RTF2: variants seen among roughly 807,000 people sequenced by gnomAD.
RTF2 encodes the protein UPF0549 protein C20orf43.
In RTF2, 18 loss-of-function variants were observed where a neutral mutation model predicts 38.0. The observed-to-expected ratio is 0.47, with a 90% confidence interval of 0.33 to 0.70. The LOEUF (loss-of-function observed/expected upper bound fraction) is 0.70, where lower values mean the gene tolerates loss of function less well. Among genes scored for constraint, RTF2 ranks in the 30% least tolerant of loss-of-function variants. The probability of loss-of-function intolerance (pLI) is 0.02; values close to 1 mark genes in which losing one functional copy is unlikely to be tolerated. For synonymous variants in RTF2, 126 were observed against 137.1 expected, an observed-to-expected ratio of 0.92 and a Z score of 0.57; for missense variants, 311 against 379.6, an observed-to-expected ratio of 0.82 and a Z score of 1.50.
chr20:56,514,256 T>G (rs1231387141), intron 6 of RTF2: 1 of 152,024 alleles, frequency 6.6e-6, no homozygotes, highest in African/African-American at 2.4e-5. Context: ...TTCCATGCGC[T>G]GGTGATTCCC....
At chr20:56,513,517 G>T in intron 6 of RTF2, 89 bp downstream of exon 6, 1 of 1,506,464 alleles carries the variant, frequency 6.6e-7, no homozygotes. Flanking sequence ...GCTGCTTAGG[G>T]GTTTGCATGA....
At chr20:56,489,107 G>A (rs952020376) in intron 5 of RTF2, among the ~76,000 whole-genome samples, 1 of 152,072 alleles carries the variant, frequency 6.6e-6, no homozygotes, top group African/African-American at 2.4e-5. Flanking sequence ...CCAGGCTGGG[G>A]TGCAGTGGTG....
chr20:56,507,933 C>T lies in RTF2; in HGVS notation c.478-5382C>T, dbSNP rs73289063. Among the ~76,000 whole-genome samples the T allele has an allele frequency of 2.0e-3, 306 of 152,320 alleles. 2 individuals carry two copies. The highest frequency in any genetic ancestry group is 7.0e-3 in the African/African-American group (289 of 41,574). On this transcript the variant is annotated intron_variant, in intron 5 of 8. Transcript: ENST00000357348. ...CGTGAGACTTCCCAGGGAACCTCCT[C>T]TAGCAGAGCAGGCTGTCCCTCCTCC...
chr20:56,488,021 A>T (rs957775687), intron 5 of RTF2, among the ~76,000 whole-genome samples: 2 of 152,156 alleles, frequency 1.3e-5, no homozygotes. Context: ...TGGATTTTGC[A>T]GGGGGGCATA....
chr20:56,512,036 G>A (rs1300246302), intron 5 of RTF2, among the ~76,000 whole-genome samples: 1 of 152,130 alleles, frequency 6.6e-6, no homozygotes, highest in Non-Finnish European at 1.5e-5. Flanking sequence ...CAGAGACGGG[G>A]TTTCACCATA....
chr20:56,511,338 G>A (rs569626472), intron 5 of RTF2, among the ~76,000 whole-genome samples: 44 of 152,050 alleles, frequency 2.9e-4, no homozygotes, highest in Middle Eastern at 3.4e-3. Context: ...AACTGCGCAC[G>A]TGAGGGATCT....
chr20:56,474,752 C>A lies in RTF2; in HGVS notation c.239C>A (p.Ser80Tyr). ...SAEKALGKAA[S>Y]HIKSIKNVTE... ...GAAAAGGCTCTTGGGAAGGCAGCAT[C>A]TCACATTAAAAGCATTAAGGTAACA... is the stretch of plus-strand genomic sequence containing the variant. Residue 80 changes from serine to tyrosine, a missense_variant, in exon 3 of 9, where the codon TCT becomes TAT. Ser to Tyr is a moderately radical substitution (Grantham distance 144). Coordinates refer to ENST00000357348, the MANE Select transcript of RTF2 (RefSeq NM_016407.5). 1.2e-6 allele frequency: 2 copies of A among 1,608,512 alleles called. No homozygotes were observed. Among genetic ancestry groups the A allele is most frequent in the Non-Finnish European group, 1.7e-6 (2 of 1,176,616 alleles).
chr20:56,517,243 T>C, intron 8 of RTF2, 42 bp downstream of exon 8: 6 of 1,553,636 alleles, frequency 3.9e-6, no homozygotes, highest in Non-Finnish European at 5.3e-6. Flanking sequence ...TCGAGAAGGC[T>C]GGAAACCCAG....
At chr20:56,472,172 G>A (rs1333970139) in intron 1 of RTF2, among the ~76,000 whole-genome samples, 1 of 152,226 alleles carries the variant, frequency 6.6e-6, no homozygotes, top group East Asian at 1.9e-4. Context: ...AGTGAGCTGT[G>A]ATTGTGCCAC....
intron 6 of RTF2, 37 bp from the exon 7 acceptor site, chr20:56,516,898 C>T: frequency 6.2e-7 from 1 of 1,603,420 alleles, no homozygotes; most frequent in South Asian, 1.1e-5. Context: ...TGGAGTGAAT[C>T]TGAGCACAGC....
At position 56,503,048 on chromosome 20, in the gene RTF2, C is replaced by T. The variant is rs574185016; in HGVS notation, c.478-10267C>T. Among the ~76,000 whole-genome samples, 11 of 152,316 alleles carry T rather than the reference C, an allele frequency of 7.2e-5. No individual in the cohort carries two copies. The East Asian group carries it at 2.1e-3, about 29-fold the overall frequency. On this transcript the variant is annotated intron_variant, in intron 5 of 8. Transcript: ENST00000357348. ...GCCTGGCCCTAGGAGGTGCCCTGTG[C>T]TCACTGGCACTCACCCTCGGGGTAA... is the stretch of plus-strand genomic sequence containing the variant.
intron 5 of RTF2, chr20:56,497,015 C>T (rs1232585837): frequency 6.4e-7 from 1 of 1,551,668 alleles, no homozygotes. Context: ...TGACATAGTT[C>T]CATTGAAATT....
chr20:56,495,353 G>C, intron 5 of RTF2: 1 of 1,316,506 alleles, frequency 7.6e-7, no homozygotes, highest in East Asian at 2.5e-5. Flanking sequence ...AGTTCTTTTA[G>C]TACAAGTTCT....
At chr20:56,498,464 G>C (rs368381744) in intron 5 of RTF2, among the ~76,000 whole-genome samples, 179 of 151,688 alleles carry the variant, frequency 1.2e-3, no homozygotes, top group African/African-American at 4.0e-3. Flanking sequence ...TTGCACTCCA[G>C]CCTGGGTGAC....
intron 1 of RTF2, among the ~76,000 whole-genome samples, chr20:56,469,388 C>T (rs557957057): frequency 2.0e-5 from 3 of 152,290 alleles, no homozygotes; most frequent in Non-Finnish European, 2.9e-5. Flanking sequence ...AGTGAATAAT[C>T]CCTGATCTCA....
chr20:56,491,658 G>C, intron 5 of RTF2: 1 of 1,552,024 alleles, frequency 6.4e-7, no homozygotes, highest in Non-Finnish European at 8.7e-7. Flanking sequence ...CTGTGCCGCC[G>C]CTCTAAGCAG....
rs944899856 is a variant in RTF2, at chr20:56,513,268, C to G, written c.478-47C>G. 3 of 1,555,144 alleles carry G rather than the reference C, an allele frequency of 1.9e-6. No homozygotes were observed. The African/African-American group carries it at 4.1e-5, about 21-fold the overall frequency. ...AGTGGGGGACTGAAGCGTGGCCTCC[C>G]CATTGACTGGTGATGGAATCTGCCC... On this transcript the variant is annotated intron_variant, in intron 5 of 8. Coordinates refer to ENST00000357348, the MANE Select transcript of RTF2 (RefSeq NM_016407.5).
chr20:56,480,661 G>A (rs780190568), intron 4 of RTF2, among the ~76,000 whole-genome samples: 18 of 152,168 alleles, frequency 1.2e-4, no homozygotes, highest in Non-Finnish European at 1.9e-4. Flanking sequence ...TGAGAGACAT[G>A]CAATTCTTCT....
intron 5 of RTF2, among the ~76,000 whole-genome samples, chr20:56,495,483 G>C (rs3827107): frequency 0.38 from 57,098 of 151,974 alleles, 11,409 homozygotes; most frequent in Non-Finnish European, 0.45. Context: ...AGTGCTTTTG[G>C]GGGTGGGAGC....
Sources: gnomAD v4.1 joint callset for allele counts (sites outside exome capture counted in the v4.1 genomes callset) on GRCh38, gnomAD v4.1.1 for gene constraint, MANE v1.5 for transcripts, NCBI Gene and HGNC (gene_info 2026-07-23, HGNC 2026-07-21) for gene names.